PARD3B: variants seen among roughly 807,000 people sequenced by gnomAD.
The protein encoded by PARD3B is partitioning defective 3 homolog B.
PARD3B carries 103 observed loss-of-function variants against 130.2 expected under a neutral mutation model. The ratio of observed to expected loss-of-function variants is 0.79; its 90% CI spans 0.67 to 0.93. The LOEUF (loss-of-function observed/expected upper bound fraction) is 0.93. PARD3B is among the 40% of genes least tolerant of loss of function. The pLI is 0.00. For synonymous variants in PARD3B, 583 were observed against 553.2 expected (o/e 1.05, Z -0.76); for missense variants, 1,609 against 1,499.2 (o/e 1.07, Z -1.21).
At chr2:205,271,072 C>A (rs1301919679) in intron 16 of PARD3B, among the ~76,000 whole-genome samples, 2 of 152,158 alleles carry the variant, frequency 1.3e-5, no homozygotes, top group African/African-American at 4.8e-5. Context: ...CTAAAAGGAA[C>A]TTTACCATTT....
chr2:204,744,452 A>C (rs543652326), intron 2 of PARD3B, among the ~76,000 whole-genome samples: 2 of 152,316 alleles, frequency 1.3e-5, no homozygotes, highest in African/African-American at 4.8e-5. Flanking sequence ...TTTGGAGCTG[A>C]CAGTTCTTAT....
intron 18 of PARD3B, among the ~76,000 whole-genome samples, chr2:205,396,051 G>C (rs11887228): frequency 0.029 from 4,424 of 152,130 alleles, 206 homozygotes; most frequent in African/African-American, 0.1. Flanking sequence ...TTCTTTTACT[G>C]TTTTGAATAC....
chr2:204,982,988 TA>T (rs1692804312), intron 3 of PARD3B, among the ~76,000 whole-genome samples: 1 of 152,214 alleles, frequency 6.6e-6, no homozygotes, highest in Non-Finnish European at 1.5e-5. Context: ...AGCTAAAGTA[TA>T]CAAATAATTG....
chr2:205,041,359 G>A (rs923188823), intron 3 of PARD3B, among the ~76,000 whole-genome samples: 3 of 152,176 alleles, frequency 2.0e-5, no homozygotes, highest in African/African-American at 7.2e-5. Context: ...AATCATAGCA[G>A]TTGCCAAAAC....
At chr2:205,095,661 C>A (rs1026493476) in intron 4 of PARD3B, among the ~76,000 whole-genome samples, 21 of 152,260 alleles carry the variant, frequency 1.4e-4, no homozygotes, top group South Asian at 4.1e-4. Context: ...TCTCTACCCA[C>A]CATCACCTCT....
At chr2:205,248,327 A>G (rs2039658703) in intron 16 of PARD3B, among the ~76,000 whole-genome samples, 1 of 147,640 alleles carries the variant, frequency 6.8e-6, no homozygotes, top group Admixed American at 6.8e-5. Context: ...CTCACATAAA[A>G]CATAGCTCCC....
In PARD3B at chr2:205,263,979, T is replaced by C. The variant is rs957209723; in HGVS notation, c.2185+18157T>C. ...GAGAGAATAGGACACAAATGATAAA[T>C]GTATTATAAAATGTGGCAGAGACAG... is the stretch of plus-strand genomic sequence containing the variant. On this transcript the variant is annotated intron_variant, in intron 16 of 22. Coordinates refer to ENST00000406610, the MANE Select transcript of PARD3B (RefSeq NM_001302769.2). The surrounding 1 kb of genome is among the most constrained non-coding windows in gnomAD (Gnocchi z 4.0). Among the ~76,000 whole-genome samples, 8 of 151,012 alleles carry C rather than the reference T, an allele frequency of 5.3e-5. No individual in the cohort carries two copies. The highest frequency in any genetic ancestry group is 1.9e-4 in the African/African-American group (8 of 41,076).
At chr2:205,439,201 C>T (rs763140262) in intron 19 of PARD3B, among the ~76,000 whole-genome samples, 15 of 152,026 alleles carry the variant, frequency 9.9e-5, no homozygotes, top group Non-Finnish European at 1.8e-4. Flanking sequence ...TTTTTTAACT[C>T]GTCCTGGCCT....
At chr2:204,576,311 A>T (rs993062246) in intron 1 of PARD3B, among the ~76,000 whole-genome samples, 2 of 152,228 alleles carry the variant, frequency 1.3e-5, no homozygotes, top group African/African-American at 4.8e-5. Flanking sequence ...GTTTGTGCGC[A>T]AGTACCCTGG....
Position 205,176,993 on chromosome 2 carries a change from C to T in PARD3B, c.1924+416C>T, listed in dbSNP as rs1034253550. Among the ~76,000 whole-genome samples, 20 of 152,158 alleles carry T rather than the reference C, an allele frequency of 1.3e-4. No homozygotes were observed. Among genetic ancestry groups the T allele is most frequent in the African/African-American group, 3.6e-4 (15 of 41,448 alleles). ...CGTGATTCACAGATGATCCTCGATT[C>T]TAATATGAGTATGATAAATGGGTGA... On this transcript the variant is annotated intron_variant, in intron 13 of 22. Coordinates refer to ENST00000406610, the MANE Select transcript of PARD3B (RefSeq NM_001302769.2). This position sits in a 1 kb window ranked among gnomAD's most constrained non-coding sequence, Gnocchi z 5.3.
chr2:204,656,593 G>C (rs2035648148), intron 1 of PARD3B, among the ~76,000 whole-genome samples: 1 of 152,124 alleles, frequency 6.6e-6, no homozygotes, highest in Non-Finnish European at 1.5e-5. Flanking sequence ...CTTGACAGAA[G>C]TGGAACTATT....
intron 15 of PARD3B, among the ~76,000 whole-genome samples, chr2:205,232,897 C>T (rs552987881): frequency 6.6e-6 from 1 of 152,272 alleles, no homozygotes; most frequent in East Asian, 1.9e-4. Context: ...GGGGCAACTT[C>T]AGGTGGTTTC....
At chr2:204,953,775 G>A (rs937094035) in intron 2 of PARD3B, among the ~76,000 whole-genome samples, 17 of 152,112 alleles carry the variant, frequency 1.1e-4, no homozygotes, top group Middle Eastern at 3.2e-3. Context: ...CTTGTGTTCC[G>A]TTATTTGCCG....
At chr2:205,354,025 CCTTTT>C (rs1242873008) in intron 18 of PARD3B, among the ~76,000 whole-genome samples, 41 of 110,382 alleles carry the variant, frequency 3.7e-4, no homozygotes, top group South Asian at 1.4e-3. Flanking sequence ...CTTTTCTTTT[CCTTTT>C]TTTTTTTTTT....
Position 205,124,363 on chromosome 2 carries a change from A to T in PARD3B, c.1202A>T (p.Asp401Val). Residue 401 changes from aspartate to valine, a missense_variant, in exon 9 of 23, where the codon GAC becomes GTC. By Grantham distance (152) the Asp-to-Val change is radical. Coordinates refer to ENST00000406610, the MANE Select transcript of PARD3B (RefSeq NM_001302769.2). ...CTTGGTTTCACTGTGGTTACCAGAG[A>T]CTCTTCCATACATGGTCCCGGTCCC... ...EGLGFTVVTR[D>V]SSIHGPGPIF... 1.3e-6 allele frequency: 2 copies of T among 1,593,258 alleles called. No individual in the cohort carries two copies. Among genetic ancestry groups the T allele is most frequent in the Non-Finnish European group, 1.7e-6 (2 of 1,168,850 alleles).
intron 2 of PARD3B, among the ~76,000 whole-genome samples, chr2:204,938,990 T>C (rs1688680344): frequency 6.6e-6 from 1 of 152,208 alleles, no homozygotes; most frequent in East Asian, 1.9e-4. Context: ...CCAGGACTAT[T>C]CCATATTTAT....
chr2:205,221,094 A>G (rs1184339228), intron 15 of PARD3B, among the ~76,000 whole-genome samples: 2 of 152,230 alleles, frequency 1.3e-5, no homozygotes, highest in Admixed American at 6.5e-5. Context: ...AAATAATTAC[A>G]GTAGCTTTGT....
chr2:204,866,013 AC>A (rs1288860911), intron 2 of PARD3B, among the ~76,000 whole-genome samples: 1 of 152,116 alleles, frequency 6.6e-6, no homozygotes, highest in East Asian at 1.9e-4. Flanking sequence ...CTCCCAATCC[AC>A]CTGCTTCCCA....
chr2:204,914,466 GAA>G (rs1201434330), intron 2 of PARD3B, among the ~76,000 whole-genome samples: 1 of 152,182 alleles, frequency 6.6e-6, no homozygotes, highest in East Asian at 1.9e-4. Flanking sequence ...GGGAAAGAGA[GAA>G]AGAATGGAAG....
Sources: allele counts gnomAD v4.1 joint callset (sites outside exome capture counted in the v4.1 genomes callset), GRCh38; gene constraint gnomAD v4.1.1; non-coding constraint Gnocchi (gnomAD v3.1); transcripts MANE v1.5; gene names NCBI Gene and HGNC (gene_info 2026-07-23, HGNC 2026-07-21).